The following SAMD14 variants were observed in gnomAD, a reference collection of about 807,000 sequenced individuals.
SAMD14 encodes sterile alpha motif domain-containing protein 14.
Under a neutral mutation model 46.2 loss-of-function variants are expected in SAMD14, and 27 were observed. The observed-to-expected ratio is 0.58, with a 90% CI of 0.43 to 0.81. The LOEUF is 0.81. Among genes scored for constraint, SAMD14 ranks in the 30% least tolerant of loss-of-function variants. SAMD14 has a pLI of 0.00. For synonymous variants in SAMD14, 241 were observed against 254.3 expected, an observed-to-expected ratio of 0.95 and a Z score of 0.50; for missense variants, 559 against 582.2, an observed-to-expected ratio of 0.96 and a Z score of 0.41.
In SAMD14 at chr17:50,118,341, G is replaced by A. The variant is rs756559654; in HGVS notation, c.44-14C>T. On this transcript the variant is annotated splice_polypyrimidine_tract_variant and intron_variant, in intron 2 of 9. Coordinates refer to ENST00000330175, the MANE Select transcript of SAMD14 (RefSeq NM_001257359.2). ...CCAAGTCCAGGTCTGCGAACCGGGG[G>A]AGGGGAGCAGAGACCAGACACATGA... 6 of 1,609,020 alleles carry A rather than the reference G, an allele frequency of 3.7e-6. No individual in the cohort carries two copies. Among genetic ancestry groups the A allele is most frequent in the South Asian group, 1.1e-5 (1 of 91,006 alleles).
At chr17:50,122,994 G>C (rs1911574828) in intron 2 of SAMD14, among the ~76,000 whole-genome samples, 1 of 152,150 alleles carries the variant, frequency 6.6e-6, no homozygotes, top group Admixed American at 6.5e-5. Context: ...CCCTGACACA[G>C]AATCTCCAGG....
chr17:50,116,343 T>A (rs192775937), intron 4 of SAMD14: 3 of 403,380 alleles, frequency 7.4e-6, no homozygotes, highest in Admixed American at 4.2e-5. Flanking sequence ...TTACAAACTA[T>A]AAAACGTTCC....
intron 2 of SAMD14, 151 bp downstream of exon 2, chr17:50,124,766 C>CACGCGCACGT (rs1555563112): frequency 1.3e-5 from 9 of 678,722 alleles, no homozygotes; most frequent in Admixed American, 2.5e-5. Context: ...CGTGCACGCG[C>CACGCGCACGT]GCGCGCACAC....
Position 50,115,812 on chromosome 17 carries a change from G to A in SAMD14, c.662+18C>T, listed in dbSNP as rs765626790. On this transcript the variant is annotated intron_variant, in intron 6 of 9. Transcript: ENST00000330175. This position sits in a 1 kb window ranked among gnomAD's most constrained non-coding sequence, Gnocchi z 5.3. ...CAGGGGCGGGAGCTGTGGGTGGGCC[G>A]CCATGGGCACCTCTCACCTGCTGCC... The A allele has an allele frequency of 2.4e-5, 39 of 1,612,278 alleles. No individual in the cohort carries two copies. Among genetic ancestry groups the A allele is most frequent in the Middle Eastern group, 1.6e-4 (1 of 6,082 alleles).
Position 50,115,793 on chromosome 17 carries a change from C to T in SAMD14, c.662+37G>A, listed in dbSNP as rs760816810. On this transcript the variant is annotated intron_variant, in intron 6 of 9. Coordinates refer to ENST00000330175, the MANE Select transcript of SAMD14 (RefSeq NM_001257359.2). This position sits in a 1 kb window ranked among gnomAD's most constrained non-coding sequence, Gnocchi z 5.3. The stretch of plus-strand genomic sequence containing the variant: ...ACCAGAGCACATGGGGAGCCAGGGG[C>T]GGGAGCTGTGGGTGGGCCGCCATGG... 39 of 1,612,550 alleles carry T rather than the reference C, an allele frequency of 2.4e-5. 1 individual carries two copies. Among genetic ancestry groups the T allele is most frequent in the South Asian group, 1.9e-4 (17 of 91,072 alleles).
rs1239273207 is a variant in SAMD14, at chr17:50,110,734, T to C, written c.*2159A>G. ...CCGAGAGCTTGCCATCCAGCCAAGC[T>C]GCTCGAGGCCCTGCAGTGGCCTTGG... On this transcript the variant is annotated 3_prime_UTR_variant, in exon 10 of 10. Coordinates refer to ENST00000330175, the MANE Select transcript of SAMD14 (RefSeq NM_001257359.2). The C allele has an allele frequency of 6.6e-6, 1 of 152,256 alleles. No homozygotes were observed. The highest frequency in any genetic ancestry group is 1.5e-5 in the Non-Finnish European group (1 of 68,056). 9.4% of individuals were successfully genotyped at this position (152,256 alleles called of 1,614,324 possible). A position where few individuals can be genotyped will look rare whatever the true frequency, so the allele number is the denominator to read the frequency against.
Position 50,115,980 on chromosome 17 carries a change from G to C in SAMD14, c.587+23C>G, listed in dbSNP as rs748237964. The C allele has an allele frequency of 2.5e-6, 4 of 1,613,596 alleles. No homozygotes were observed. Among genetic ancestry groups the C allele is most frequent in the Non-Finnish European group, 3.4e-6 (4 of 1,179,784 alleles). ...TTACCCCAGCAGCTCCAAGCCCTGC[G>C]ATCTAGCCCCGCCTCCACTCACCCC... On this transcript the variant is annotated intron_variant, in intron 5 of 9. Transcript: ENST00000330175. The surrounding 1 kb of genome is among the most constrained non-coding windows in gnomAD (Gnocchi z 5.3).
chr17:50,125,911 T>C (rs905324720), intron 1 of SAMD14, among the ~76,000 whole-genome samples: 3 of 152,206 alleles, frequency 2.0e-5, no homozygotes, highest in Non-Finnish European at 2.9e-5. Flanking sequence ...TAGGGTTTTT[T>C]TTGTTTTGGT....
Position 50,112,920 on chromosome 17 carries a change from G to C in SAMD14, c.1227C>G (p.Arg409=), listed in dbSNP as rs1203365340. The C allele has an allele frequency of 1.9e-6, 3 of 1,607,160 alleles. No homozygotes were observed. Among genetic ancestry groups the C allele is most frequent in the Non-Finnish European group, 2.5e-6 (3 of 1,179,876 alleles). The change falls in exon 10 of 10, where the codon CGC becomes CGG. Residue 409 remains arginine, a synonymous_variant. Transcript: ENST00000330175. ...KAARQREKLR[R]REQEAKKS ...AGCTCTTCTTGGCCTCCTGCTCTCG[G>C]CGCCGGAGCTTCTCCCGCTGCCGCG...
rs1451566180 is a variant in SAMD14, at chr17:50,114,167, C to T, written c.942+20G>A. On this transcript the variant is annotated intron_variant, in intron 8 of 9. Transcript: ENST00000330175. Reference sequence around the variant, plus strand: ...TCAGAGGTCAGGACTCCGTGGGCACCCTGGGCCAGCCTTGCTCACCTCATC... The same window carrying T: ...TCAGAGGTCAGGACTCCGTGGGCACTCTGGGCCAGCCTTGCTCACCTCATC... The T allele has an allele frequency of 6.2e-7, 1 of 1,614,050 alleles. No individual in the cohort carries two copies. The highest frequency in any genetic ancestry group is 8.5e-7 in the Non-Finnish European group (1 of 1,180,022).
intron 8 of SAMD14, 26 bp from the exon 9 acceptor site, chr17:50,114,105 G>C (rs751279844): frequency 6.2e-7 from 1 of 1,613,766 alleles, no homozygotes; most frequent in Non-Finnish European, 8.5e-7. Context: ...GGAGAGTGAG[G>C]GGGAGGCTTG....
At chr17:50,121,635 C>A (rs768704638) in intron 2 of SAMD14, among the ~76,000 whole-genome samples, 105 of 152,260 alleles carry the variant, frequency 6.9e-4, no homozygotes, top group Non-Finnish European at 1.1e-3. Flanking sequence ...CATTTCTGAC[C>A]ATGTCCCATA....
At chr17:50,117,865 A>G (rs1911311765) in intron 3 of SAMD14, 170 bp from the exon 4 acceptor site, 3 of 715,440 alleles carry the variant, frequency 4.2e-6, no homozygotes, top group African/African-American at 1.9e-5. Context: ...GGTGGGAAAC[A>G]GGAACTTTGA....
Position 50,112,949 on chromosome 17 carries a change from C to A in SAMD14, c.1198G>T (p.Ala400Ser), listed in dbSNP as rs563828136. The A allele has an allele frequency of 6.2e-7, 1 of 1,610,592 alleles. No homozygotes were observed. The highest frequency in any genetic ancestry group is 1.1e-5 in the South Asian group (1 of 91,074). The change falls in exon 10 of 10, where the codon GCT becomes TCT. Residue 400 changes from alanine to serine, a missense_variant. Coordinates refer to ENST00000330175, the MANE Select transcript of SAMD14 (RefSeq NM_001257359.2). ...CGGAGCTTCTCCCGCTGCCGCGCAG[C>A]CTTCTCCTGGGCCTTGCGCTCCTTC... The part of the protein sequence containing the change: ...AEKERKAQEK[A>S]ARQREKLRRR...
intron 9 of SAMD14, chr17:50,113,516 C>T: frequency 3.6e-6 from 1 of 276,556 alleles, no homozygotes; most frequent in Non-Finnish European, 6.9e-6. Context: ...GGCCACCACC[C>T]CCTTCCTACA....
In SAMD14 at chr17:50,117,559, G is replaced by C. The variant is rs1911277771; in HGVS notation, c.347C>G (p.Pro116Arg). The C allele has an allele frequency of 1.3e-6, 2 of 1,552,478 alleles. No individual in the cohort carries two copies. The highest frequency in any genetic ancestry group is 1.2e-5 in the South Asian group (1 of 84,290). The change falls in exon 4 of 10, where the codon CCC (proline) becomes CGC (arginine). Residue 116 changes from proline (P) to arginine (R), a missense_variant. Physicochemically the swap from Pro to Arg is moderately radical, Grantham distance 103. Coordinates refer to ENST00000330175, the MANE Select transcript of SAMD14 (RefSeq NM_001257359.2). ...GGGCCGGTAGCGTGTGAGCGGCGAGGGCGGCGGCTCGTCCTCGTCCAGGCT... is the reference window on the plus strand; with the variant it reads ...GGGCCGGTAGCGTGTGAGCGGCGAGCGCGGCGGCTCGTCCTCGTCCAGGCT... The part of the protein sequence containing the change: ...RRSLDEDEPP[P>R]SPLTRYRPLH...
At position 50,120,477 on chromosome 17, in the gene SAMD14, C is replaced by T. The variant is rs76178089; in HGVS notation, c.44-2150G>A. On this transcript the variant is annotated intron_variant, in intron 2 of 9. Transcript: ENST00000330175. Reference sequence around the variant, plus strand: ...ACAGCCTCCTAGCTGGTCTTCCTTCCGTCTCCCTTTCCCATCTAGTCTATT... The same window carrying T: ...ACAGCCTCCTAGCTGGTCTTCCTTCTGTCTCCCTTTCCCATCTAGTCTATT... Among the ~76,000 whole-genome samples, 262 of 152,242 alleles carry T rather than the reference C, an allele frequency of 1.7e-3. 1 individual carries two copies. The highest frequency in any genetic ancestry group is 5.8e-3 in the African/African-American group (242 of 41,528).
At chr17:50,127,563 T>G (rs1383018943) in intron 1 of SAMD14, among the ~76,000 whole-genome samples, 2 of 151,652 alleles carry the variant, frequency 1.3e-5, no homozygotes, top group Admixed American at 6.6e-5. Flanking sequence ...ATCGTGCCAT[T>G]GCACTCCAGC....
At chr17:50,114,579 T>TTTA in intron 7 of SAMD14, 2 of 620,114 alleles carry the variant, frequency 3.2e-6, no homozygotes, top group South Asian at 2.4e-5. Context: ...AGGTGTCACT[T>TTTA]CCTACAGGCA....
Sources: allele counts gnomAD v4.1 joint callset (sites outside exome capture counted in the v4.1 genomes callset), GRCh38; gene constraint gnomAD v4.1.1; non-coding constraint Gnocchi (gnomAD v3.1); transcripts MANE v1.5; gene names NCBI Gene and HGNC (gene_info 2026-07-23, HGNC 2026-07-21).